The following DGKG variants were observed in gnomAD, a reference collection of about 807,000 sequenced individuals.
DGKG encodes the protein DAG kinase gamma.
DGKG carries 78 observed loss-of-function variants against 105.3 expected under a neutral mutation model. The ratio of observed to expected loss-of-function variants is 0.74; its 90% CI spans 0.62 to 0.89. The LOEUF (loss-of-function observed/expected upper bound fraction) is 0.89, where lower values mean the gene tolerates loss of function less well. Ranked by LOEUF, DGKG falls within the 40% of genes least tolerant of loss-of-function variation. The probability of loss-of-function intolerance (pLI) is 0.00; values close to 1 mark genes in which losing one functional copy is unlikely to be tolerated. For synonymous variants in DGKG, 346 were observed against 367.1 expected (o/e 0.94, Z 0.66); for missense variants, 958 against 1,020.1 (o/e 0.94, Z 0.83).
chr3:186,187,466 G>T (rs1717697447), intron 22 of DGKG, among the ~76,000 whole-genome samples: 1 of 152,202 alleles, frequency 6.6e-6, no homozygotes, highest in African/African-American at 2.4e-5. Flanking sequence ...ATAAGGCTGT[G>T]AGTGGAGAAG....
Position 186,253,625 on chromosome 3 carries a change from C to T in DGKG, c.1511-443G>A, listed in dbSNP as rs75195011. 9.2e-5 allele frequency among the ~76,000 whole-genome samples: 14 copies of T among 152,318 alleles called. No homozygotes were observed. The East Asian group carries it at 2.7e-3, about 29-fold the overall frequency. ...AGATTGACAGAGGGAAAGTAGTCTA[C>T]AACCATTCTACCCTGAACACGCTCA... On this transcript the variant is annotated intron_variant, in intron 17 of 24. Coordinates refer to ENST00000265022, the MANE Select transcript of DGKG (RefSeq NM_001346.3).
intron 17 of DGKG, among the ~76,000 whole-genome samples, chr3:186,257,227 T>C (rs1224974002): frequency 6.6e-6 from 1 of 152,256 alleles, no homozygotes; most frequent in African/African-American, 2.4e-5. Context: ...GGTTAGATCT[T>C]GACTCTGCTT....
intron 22 of DGKG, among the ~76,000 whole-genome samples, chr3:186,187,161 T>C (rs1717680310): frequency 6.6e-6 from 1 of 152,182 alleles, no homozygotes; most frequent in Admixed American, 6.5e-5. Context: ...AGGAGTGTCA[T>C]AACCTGACTG....
chr3:186,293,151 A>G (rs890320241), intron 5 of DGKG, among the ~76,000 whole-genome samples: 3 of 152,172 alleles, frequency 2.0e-5, no homozygotes, highest in Non-Finnish European at 4.4e-5. Context: ...TATAATTTGC[A>G]TTAGGGTTCA....
At chr3:186,347,516 G>C (rs1322253381) in intron 1 of DGKG, among the ~76,000 whole-genome samples, 5 of 150,710 alleles carry the variant, frequency 3.3e-5, no homozygotes, top group Non-Finnish European at 5.9e-5. Flanking sequence ...GTTTGACCTG[G>C]CTTCTATCAT....
intron 20 of DGKG, among the ~76,000 whole-genome samples, chr3:186,223,399 T>G (rs1336695653): frequency 1.3e-5 from 2 of 152,076 alleles, no homozygotes; most frequent in Non-Finnish European, 2.9e-5. Context: ...GGTCTGGTTA[T>G]TTCTGCCTAT....
At chr3:186,161,198 T>C in intron 24 of DGKG, 11 of 985,768 alleles carry the variant, frequency 1.1e-5, no homozygotes, top group South Asian at 4.6e-5. Context: ...GTGTGTAGAT[T>C]TGGCTTCCAC....
chr3:186,229,087 T>A (rs1339472179), intron 20 of DGKG, among the ~76,000 whole-genome samples: 1 of 152,042 alleles, frequency 6.6e-6, no homozygotes, highest in Non-Finnish European at 1.5e-5. Context: ...GAAGGCCGTG[T>A]GATGATGGAG....
chr3:186,275,544 C>T lies in DGKG; in HGVS notation c.910+3G>A. 1.9e-6 allele frequency: 3 copies of T among 1,613,336 alleles called. No homozygotes were observed. Among genetic ancestry groups the T allele is most frequent in the Non-Finnish European group, 2.5e-6 (3 of 1,179,246 alleles). On this transcript the variant is annotated splice_donor_region_variant and intron_variant, in intron 10 of 24. Transcript: ENST00000265022. ...GGAAGAGGTTTGAAGGAAATTTACT[C>T]ACAAGTGCAGCACAGGCCTTGCTTG...
intron 20 of DGKG, among the ~76,000 whole-genome samples, chr3:186,229,462 C>G (rs1011518857): frequency 1.3e-5 from 2 of 152,104 alleles, no homozygotes; most frequent in African/African-American, 4.8e-5. Flanking sequence ...CCAGGCTGGT[C>G]TTGAACACCT....
intron 7 of DGKG, among the ~76,000 whole-genome samples, chr3:186,283,718 A>G (rs1276365478): frequency 6.6e-6 from 1 of 152,256 alleles, no homozygotes; most frequent in East Asian, 1.9e-4. Flanking sequence ...TACTCAGTAA[A>G]TATGTGTTGA....
chr3:186,334,847 T>C (rs1310566113), intron 1 of DGKG, among the ~76,000 whole-genome samples: 1 of 152,246 alleles, frequency 6.6e-6, no homozygotes, highest in African/African-American at 2.4e-5. Context: ...TTAACGGGCA[T>C]TGGCTTGTGG....
chr3:186,287,530 G>C (rs1290489718), intron 6 of DGKG, among the ~76,000 whole-genome samples: 1 of 152,170 alleles, frequency 6.6e-6, no homozygotes, highest in Non-Finnish European at 1.5e-5. Context: ...GTCATTATAA[G>C]ACTCAGTTGG....
At position 186,279,921 on chromosome 3, in the gene DGKG, G is replaced by C; in HGVS notation, c.722C>G (p.Ser241Cys). 6.2e-7 allele frequency: 1 copy of C among 1,614,152 alleles called. No individual in the cohort carries two copies. Among genetic ancestry groups the C allele is most frequent in the Non-Finnish European group, 8.5e-7 (1 of 1,180,006 alleles). ...CCCTCCATGGACCCATTCCTGTAGA[G>C]ACACAAAGCCGTCCCGGTCGTAGTC... ...GMDYDRDGFV[S>C]LQEWVHGGMT... The change falls in exon 9 of 25, where the codon TCT becomes TGT. Residue 241 changes from serine to cysteine, a missense_variant. Around this residue, in one of 2 missense-constraint regions of DGKG, gnomAD observed 643 missense variants for 619.5 expected, o/e 1.04. Transcript: ENST00000265022.
At chr3:186,259,773 A>G (rs1377897389) in intron 16 of DGKG, among the ~76,000 whole-genome samples, 1 of 152,050 alleles carries the variant, frequency 6.6e-6, no homozygotes, top group African/African-American at 2.4e-5. Flanking sequence ...CTTCTAGCCC[A>G]GGTGCTGTAG....
chr3:186,290,591 C>G (rs780507009), intron 5 of DGKG, among the ~76,000 whole-genome samples: 1 of 152,172 alleles, frequency 6.6e-6, no homozygotes, highest in Non-Finnish European at 1.5e-5. Flanking sequence ...GATGAGATGA[C>G]TCCTACAACT....
rs564707637 is a variant in DGKG at position 186,180,397 on chromosome 3, T to C, written c.2095+7805A>G. On this transcript the variant is annotated intron_variant, in intron 22 of 24. Coordinates refer to ENST00000265022, the MANE Select transcript of DGKG (RefSeq NM_001346.3). ...AAATGTTGAACGGGAATGACATGTA[T>C]GTTGCCATGGTTACTCCCCAGAGCT... Among the ~76,000 whole-genome samples the C allele has an allele frequency of 4.6e-4, 70 of 152,270 alleles. 1 individual carries two copies. In the South Asian group the frequency reaches 0.014, roughly 30 times the overall value.
intron 20 of DGKG, among the ~76,000 whole-genome samples, chr3:186,239,237 C>A (rs572816640): frequency 6.6e-6 from 1 of 152,196 alleles, no homozygotes; most frequent in Non-Finnish European, 1.5e-5. Flanking sequence ...ACAGCAATGA[C>A]AACTCCCAAG....
intron 1 of DGKG, among the ~76,000 whole-genome samples, chr3:186,341,666 GTTGT>G (rs1277405633): frequency 2.6e-5 from 4 of 152,096 alleles, no homozygotes; most frequent in African/African-American, 7.2e-5. Context: ...TTTTGATGGG[GTTGT>G]TTGTTTTTTT....
Sources: gnomAD v4.1 joint callset for allele counts (sites outside exome capture counted in the v4.1 genomes callset) on GRCh38, gnomAD v4.1.1 for gene constraint, gnomAD v4.1.1 regional missense constraint, MANE v1.5 for transcripts, NCBI Gene and HGNC (gene_info 2026-07-23, HGNC 2026-07-21) for gene names.